Variants in IRAG1 observed in about 807,000 individuals in gnomAD.
IRAG1 encodes IP3R-associated cGMP kinase substrate.
IRAG1 carries 62 observed loss-of-function variants against 106.2 expected under a neutral mutation model. That is an observed-to-expected ratio of 0.58 (90% CI 0.48 to 0.72). The LOEUF (loss-of-function observed/expected upper bound fraction) is 0.72. Among genes scored for constraint, IRAG1 ranks in the 30% least tolerant of loss-of-function variants. The probability of loss-of-function intolerance (pLI) is 0.00; values close to 1 mark genes in which losing one functional copy is unlikely to be tolerated. For synonymous variants in IRAG1, 462 were observed against 443.9 expected (o/e 1.04, Z -0.51); for missense variants, 1,064 against 1,140.7 (o/e 0.93, Z 0.97).
intron 10 of IRAG1, among the ~76,000 whole-genome samples, chr11:10,621,403 C>T (rs371774763): frequency 1.3e-5 from 2 of 152,092 alleles, no homozygotes; most frequent in Non-Finnish European, 2.9e-5. Context: ...CAGCTTGAAG[C>T]GGGGCAAGGA....
intron 10 of IRAG1, among the ~76,000 whole-genome samples, chr11:10,612,432 A>C (rs1416724088): frequency 6.6e-6 from 1 of 152,122 alleles, no homozygotes; most frequent in Non-Finnish European, 1.5e-5. Flanking sequence ...TTTCCCCACC[A>C]CCTAAGCAGT....
intron 1 of IRAG1, among the ~76,000 whole-genome samples, chr11:10,691,900 G>C (rs942907454): frequency 6.6e-6 from 1 of 152,150 alleles, no homozygotes; most frequent in Admixed American, 6.5e-5. Flanking sequence ...CTGTGCTAAA[G>C]TGTCCTCCTC....
At chr11:10,674,778 A>C (rs1039309340) in intron 1 of IRAG1, among the ~76,000 whole-genome samples, 10 of 152,052 alleles carry the variant, frequency 6.6e-5, no homozygotes, top group African/African-American at 2.4e-4. Flanking sequence ...TCCCTGCCTG[A>C]CTCAGATTCA....
intron 1 of IRAG1, among the ~76,000 whole-genome samples, chr11:10,689,356 T>C (rs940839745): frequency 1.3e-5 from 2 of 152,196 alleles, no homozygotes; most frequent in African/African-American, 4.8e-5. Context: ...TCGGTCAACC[T>C]ACCTCAAATA....
intron 3 of IRAG1, among the ~76,000 whole-genome samples, chr11:10,633,728 A>G (rs1856920364): frequency 6.6e-6 from 1 of 152,210 alleles, no homozygotes; most frequent in Admixed American, 6.5e-5. Flanking sequence ...GGAGGCTGCA[A>G]ATGGGCTGGA....
intron 1 of IRAG1, among the ~76,000 whole-genome samples, chr11:10,692,872 C>T (rs1192776985): frequency 2.0e-5 from 3 of 152,212 alleles, no homozygotes; most frequent in Non-Finnish European, 4.4e-5. Flanking sequence ...AAATGGTGCT[C>T]ACTCTAGGAA....
At chr11:10,668,476 G>T (rs546796353) in intron 1 of IRAG1, among the ~76,000 whole-genome samples, 42 of 152,214 alleles carry the variant, frequency 2.8e-4, no homozygotes, top group African/African-American at 9.6e-4. Context: ...ACCAACTAAT[G>T]GTTTTTGTAA....
intron 20 of IRAG1, 69 bp from the exon 21 acceptor site, chr11:10,576,644 TTC>T (rs1850839760): frequency 6.3e-7 from 1 of 1,582,446 alleles, no homozygotes; most frequent in African/African-American, 1.3e-5. Context: ...AGACCCACAG[TTC>T]TCTCTGCGGA....
rs375293615 is a variant in IRAG1 at position 10,662,813 on chromosome 11, A to G, written c.68-10631T>C. 3.9e-4 allele frequency among the ~76,000 whole-genome samples: 60 copies of G among 152,338 alleles called. 1 individual carries two copies. In the East Asian group the frequency reaches 9.7e-3, roughly 25 times the overall value. ...CTCCAGCAAAGGCACAGACTCTGGTATTAGGGGTCCTGGCAATCCAGCACC... is the reference window on the plus strand; with the variant it reads ...CTCCAGCAAAGGCACAGACTCTGGTGTTAGGGGTCCTGGCAATCCAGCACC... On this transcript the variant is annotated intron_variant, in intron 1 of 20. Coordinates refer to ENST00000423302, the MANE Select transcript of IRAG1 (RefSeq NM_130385.4).
chr11:10,636,561 C>T (rs933768221), intron 2 of IRAG1, among the ~76,000 whole-genome samples: 1 of 152,220 alleles, frequency 6.6e-6, no homozygotes, highest in Non-Finnish European at 1.5e-5. Flanking sequence ...ATTTCTTTCT[C>T]TTTCAACAAA....
intron 20 of IRAG1, among the ~76,000 whole-genome samples, chr11:10,577,806 C>G (rs1471862648): frequency 1.3e-5 from 2 of 152,166 alleles, no homozygotes; most frequent in East Asian, 3.9e-4. Context: ...GACAGGTTTC[C>G]GTTCCATGCG....
At chr11:10,625,469 C>T (rs879677141) in intron 9 of IRAG1, among the ~76,000 whole-genome samples, 16 of 152,128 alleles carry the variant, frequency 1.1e-4, no homozygotes, top group Non-Finnish European at 1.3e-4. Flanking sequence ...TCACCATGGG[C>T]GGAGCAGCCT....
At chr11:10,635,589 G>C (rs1490112723) in intron 2 of IRAG1, among the ~76,000 whole-genome samples, 2 of 152,264 alleles carry the variant, frequency 1.3e-5, no homozygotes, top group African/African-American at 4.8e-5. Flanking sequence ...GTGTGCAGGT[G>C]TTGGTTCCCT....
intron 13 of IRAG1, among the ~76,000 whole-genome samples, chr11:10,603,488 G>A (rs1294482061): frequency 6.6e-6 from 1 of 152,130 alleles, no homozygotes; most frequent in Non-Finnish European, 1.5e-5. Context: ...GACCCTATGG[G>A]AATCGAATGC....
rs960891138 is a variant in IRAG1, at chr11:10,656,420, T to C, written c.68-4238A>G. Among the ~76,000 whole-genome samples, 3 of 152,220 alleles carry C rather than the reference T, an allele frequency of 2.0e-5. No individual in the cohort carries two copies. In the South Asian group the frequency reaches 6.2e-4, roughly 31 times the overall value. On this transcript the variant is annotated intron_variant, in intron 1 of 20. Transcript: ENST00000423302. ...ACAACTTGACTGGTTCAGCTACCCTTGTATCTGGTGCAAATCTTCCAAGAG... is the reference window on the plus strand; with the variant it reads ...ACAACTTGACTGGTTCAGCTACCCTCGTATCTGGTGCAAATCTTCCAAGAG...
At chr11:10,627,928 A>G in intron 7 of IRAG1, 45 bp downstream of exon 7, 2 of 1,583,710 alleles carry the variant, frequency 1.3e-6, no homozygotes, top group Non-Finnish European at 1.7e-6. Flanking sequence ...AAGGGGAGAG[A>G]CCCATTGGCA....
At chr11:10,683,043 G>A (rs1432950122) in intron 1 of IRAG1, among the ~76,000 whole-genome samples, 1 of 152,126 alleles carries the variant, frequency 6.6e-6, no homozygotes, top group Non-Finnish European at 1.5e-5. Flanking sequence ...TGGAGTATAG[G>A]AAGGAAATTT....
intron 13 of IRAG1, among the ~76,000 whole-genome samples, chr11:10,604,035 T>C (rs1250849318): frequency 1.3e-5 from 2 of 152,102 alleles, no homozygotes; most frequent in Non-Finnish European, 2.9e-5. Context: ...AAAGCAGCTC[T>C]GGGCCCCATC....
intron 10 of IRAG1, among the ~76,000 whole-genome samples, chr11:10,614,268 A>G (rs1360677171): frequency 6.6e-6 from 1 of 152,160 alleles, no homozygotes; most frequent in African/African-American, 2.4e-5. Context: ...TTCCTTCATG[A>G]GAATCATTTG....
Sources: allele counts gnomAD v4.1 joint callset (sites outside exome capture counted in the v4.1 genomes callset), GRCh38; gene constraint gnomAD v4.1.1; transcripts MANE v1.5; gene names NCBI Gene and HGNC (gene_info 2026-07-23, HGNC 2026-07-21).